The following ATAD2B variants were observed in gnomAD, a reference collection of about 807,000 sequenced individuals.
ATAD2B encodes the protein ATPase family AAA domain containing 2B, also known as ATPase family AAA domain-containing protein 2B.
A neutral mutation model predicts 167.6 loss-of-function variants in ATAD2B; 40 were observed. The ratio of observed to expected loss-of-function variants is 0.24; its 90% CI spans 0.19 to 0.31. The LOEUF (loss-of-function observed/expected upper bound fraction) is 0.31. ATAD2B is among the 10% of genes least tolerant of loss of function. The pLI is 1.00. For synonymous variants in ATAD2B, 579 were observed against 596.5 expected, an observed-to-expected ratio of 0.97 and a Z score of 0.43; for missense variants, 1,242 against 1,757.2, an observed-to-expected ratio of 0.71 and a Z score of 5.24.
At chr2:23,845,256 T>C (rs2953028) in intron 13 of ATAD2B, among the ~76,000 whole-genome samples, 27,842 of 152,142 alleles carry the variant, frequency 0.18, 2,650 homozygotes, top group Middle Eastern at 0.26. Context: ...TACACAAACA[T>C]TTGCATTGAA....
At chr2:23,714,978 C>T in the ATAD2B span, among the ~76,000 whole-genome samples, 2 of 152,048 alleles carry the variant, frequency 1.3e-5, no homozygotes, top group Non-Finnish European at 2.9e-5. Context: ...ATCATCTGTC[C>T]AGAAGACTTC....
At chr2:23,808,066 A>AT (rs1684823195) in intron 18 of ATAD2B, among the ~76,000 whole-genome samples, 1 of 25,256 alleles carries the variant, frequency 4.0e-5, no homozygotes, top group Non-Finnish European at 8.7e-5. Context: ...ACTATAAATT[A>AT]TAATATATAA....
the ATAD2B span, among the ~76,000 whole-genome samples, chr2:23,737,559 T>C: frequency 2.6e-5 from 4 of 151,976 alleles, no homozygotes; most frequent in Non-Finnish European, 5.9e-5. Context: ...GTCACCACCT[T>C]CAAAGACCAA....
chr2:23,926,671 C>T lies in ATAD2B; in HGVS notation c.100G>A (p.Gly34Ser). The T allele has an allele frequency of 1.3e-6, 2 of 1,557,056 alleles. No homozygotes were observed. The change falls in exon 1 of 28, where the codon GGC becomes AGC. Residue 34 changes from glycine to serine, a missense_variant. Gly to Ser is a moderately conservative substitution (Grantham distance 56). This residue lies in a region of ATAD2B where 199 missense variants were observed against 194.9 expected (regional missense o/e 1.02). Transcript: ENST00000238789. ...CGAGAGGAGATGAAATGGCTGCTGC[C>T]TCCGGTCGCCCCAGGCTCTGCTCCG... ...GAGAEPGATGGSSHFISSRTR... is the reference protein window; with the variant it reads ...GAGAEPGATGSSSHFISSRTR...
intron 13 of ATAD2B, among the ~76,000 whole-genome samples, chr2:23,838,005 TTACTC>T (rs991534820): frequency 6.6e-6 from 1 of 152,212 alleles, no homozygotes; most frequent in Non-Finnish European, 1.5e-5. Flanking sequence ...TTCTATTCCT[TTACTC>T]TTATTGCTAA....
intron 22 of ATAD2B, among the ~76,000 whole-genome samples, chr2:23,769,059 A>T (rs1448569674): frequency 6.6e-6 from 1 of 152,216 alleles, no homozygotes; most frequent in Non-Finnish European, 1.5e-5. Flanking sequence ...AATGATAGGT[A>T]CGGTTCTTCA....
At chr2:23,807,750 AG>A (rs1684667460) in intron 18 of ATAD2B, among the ~76,000 whole-genome samples, 1 of 149,144 alleles carries the variant, frequency 6.7e-6, no homozygotes, top group African/African-American at 2.5e-5. Context: ...CAGGAGGCGG[AG>A]GTTGCAGTGA....
At chr2:23,695,479 T>C in the ATAD2B span, 1 of 653,708 alleles carries the variant, frequency 1.5e-6, no homozygotes, top group Non-Finnish European at 2.6e-6. This position sits in a 1 kb window ranked among gnomAD's most constrained non-coding sequence, Gnocchi z 7.6. Flanking sequence ...TTCACCTCTG[T>C]CTAGGCTAGC....
chr2:23,738,180 A>T, the ATAD2B span, among the ~76,000 whole-genome samples: 1 of 152,232 alleles, frequency 6.6e-6, no homozygotes, highest in African/African-American at 2.4e-5. Context: ...CAACATTCAG[A>T]TTCAGGAAAT....
chr2:23,769,712 G>GT (rs1266284550), intron 22 of ATAD2B, among the ~76,000 whole-genome samples: 8,464 of 127,076 alleles, frequency 0.067, 430 homozygotes, highest in Non-Finnish European at 0.095. Flanking sequence ...CTCACTGTGG[G>GT]TTTTTTTTTT....
chr2:23,799,021 G>A (rs1683043307), intron 18 of ATAD2B, among the ~76,000 whole-genome samples: 1 of 152,132 alleles, frequency 6.6e-6, no homozygotes, highest in Non-Finnish European at 1.5e-5. Context: ...ATCACGCTCT[G>A]CCAACACACA....
intron 6 of ATAD2B, 49 bp from the exon 7 acceptor site, chr2:23,880,804 A>C (rs758187832): frequency 8.9e-7 from 1 of 1,122,108 alleles, no homozygotes; most frequent in Non-Finnish European, 1.3e-6. Context: ...ATTTTAATTC[A>C]AAAGGATTGG....
chr2:23,924,026 C>G (rs1704339046), intron 1 of ATAD2B, among the ~76,000 whole-genome samples: 2 of 151,870 alleles, frequency 1.3e-5, no homozygotes, highest in Admixed American at 1.3e-4. Flanking sequence ...AATAAAAATA[C>G]AAAAAAATTA....
chr2:23,805,271 C>G (rs1684187016), intron 18 of ATAD2B, among the ~76,000 whole-genome samples: 1 of 151,902 alleles, frequency 6.6e-6, no homozygotes, highest in Non-Finnish European at 1.5e-5. Context: ...ATAGCATAAA[C>G]TAAAAAGGCA....
chr2:23,713,183 T>A, the ATAD2B span, among the ~76,000 whole-genome samples: 1 of 152,254 alleles, frequency 6.6e-6, no homozygotes, highest in Non-Finnish European at 1.5e-5. Context: ...TCAGCGAAGC[T>A]GGCCACTGCT....
chr2:23,782,770 G>A, intron 22 of ATAD2B, 99 bp downstream of exon 22: 5 of 1,024,792 alleles, frequency 4.9e-6, no homozygotes, highest in Non-Finnish European at 7.0e-6. Context: ...AACAGGTCAT[G>A]AAAATTATCT....
chr2:23,913,350 TG>T (rs1558792301), intron 1 of ATAD2B, among the ~76,000 whole-genome samples: 1 of 152,168 alleles, frequency 6.6e-6, no homozygotes, highest in Admixed American at 6.5e-5. Context: ...AAAATTCTAG[TG>T]GGGGCCAGGC....
At chr2:23,911,509 C>T (rs553111169) in intron 1 of ATAD2B, among the ~76,000 whole-genome samples, 1 of 150,568 alleles carries the variant, frequency 6.6e-6, no homozygotes, top group South Asian at 2.1e-4. Context: ...GAGCCTTGAT[C>T]GTGCCTCTTC....
chr2:23,680,104 G>GCTGGAAACAGGGAGACATC, the ATAD2B span, among the ~76,000 whole-genome samples: 1 of 152,214 alleles, frequency 6.6e-6, no homozygotes, highest in Non-Finnish European at 1.5e-5. The surrounding 1 kb of genome is among the most constrained non-coding windows in gnomAD (Gnocchi z 4.1). Context: ...AGGGGGACAG[G>GCTGGAAACAGGGAGACATC]CTGGAAACAG....
Sources: gnomAD v4.1 joint callset for allele counts (sites outside exome capture counted in the v4.1 genomes callset) on GRCh38, gnomAD v4.1.1 for gene constraint, gnomAD v4.1.1 regional missense constraint, Gnocchi (gnomAD v3.1) non-coding constraint, MANE v1.5 for transcripts, NCBI Gene and HGNC (gene_info 2026-07-23, HGNC 2026-07-21) for gene names.